The following LARGE1 variants were observed in gnomAD, a reference collection of about 807,000 sequenced individuals.
LARGE1 encodes xylosyl- and glucuronyltransferase LARGE1.
LARGE1 carries 43 observed loss-of-function variants against 87.6 expected under a neutral mutation model. That is an observed-to-expected ratio of 0.49 (90% CI 0.38 to 0.63). The LOEUF is 0.63. Ranked by LOEUF, LARGE1 falls within the 30% of genes least tolerant of loss-of-function variation. LARGE1 has a pLI of 0.00. For missense variants in LARGE1, 802 were observed against 1,000.2 expected (o/e 0.80, Z 2.67); for synonymous variants, 434 against 394.6 (o/e 1.10, Z -1.18).
intron 1 of LARGE1, among the ~76,000 whole-genome samples, chr22:33,793,535 A>T (rs980979524): frequency 1.3e-5 from 2 of 152,042 alleles, no homozygotes; most frequent in African/African-American, 4.8e-5. Context: ...TCCAATTCCC[A>T]CTCCCAAACC....
the LARGE1 span, among the ~76,000 whole-genome samples, chr22:33,087,500 A>C: frequency 1.3e-5 from 2 of 152,226 alleles, no homozygotes; most frequent in Non-Finnish European, 2.9e-5. Context: ...TGTACCCAAA[A>C]AGTGCATTAG....
At chr22:33,123,763 G>A in the LARGE1 span, among the ~76,000 whole-genome samples, 87 of 152,204 alleles carry the variant, frequency 5.7e-4, 1 homozygote, top group East Asian at 9.9e-3. Flanking sequence ...TTGGAAGCTC[G>A]GATTCACCAC....
At chr22:33,331,632 T>C (rs560471250) in intron 10 of LARGE1, among the ~76,000 whole-genome samples, 2 of 152,286 alleles carry the variant, frequency 1.3e-5, no homozygotes, top group African/African-American at 4.8e-5. Context: ...GGTCTTGAAC[T>C]CCTGACCTCA....
At chr22:33,262,986 G>A (rs1018981799) in intron 11 of LARGE1, among the ~76,000 whole-genome samples, 1 of 151,808 alleles carries the variant, frequency 6.6e-6, no homozygotes, top group Non-Finnish European at 1.5e-5. Context: ...TCCATCTTGG[G>A]GGTTCAAGTG....
downstream of LARGE1, among the ~76,000 whole-genome samples, chr22:33,269,015 TCAAAACACTGAACTAA>T (rs1360667584): frequency 1.3e-5 from 2 of 152,182 alleles, no homozygotes; most frequent in Non-Finnish European, 2.9e-5. Flanking sequence ...TATTTTTCAT[TCAAAACACTGAACTAA>T]CAAAACAACT....
intron 1 of LARGE1, among the ~76,000 whole-genome samples, chr22:33,879,279 A>C (rs2064589725): frequency 6.6e-6 from 1 of 152,128 alleles, no homozygotes; most frequent in African/African-American, 2.4e-5. Context: ...TTTCTTATAT[A>C]CAGCACATCA....
At chr22:33,366,330 A>G (rs1183065429) in intron 9 of LARGE1, among the ~76,000 whole-genome samples, 1 of 152,226 alleles carries the variant, frequency 6.6e-6, no homozygotes, top group Non-Finnish European at 1.5e-5. Context: ...CCCTGAGCAA[A>G]TGCTCAGCAA....
At chr22:33,499,435 C>A (rs909662034) in intron 6 of LARGE1, among the ~76,000 whole-genome samples, 1 of 152,106 alleles carries the variant, frequency 6.6e-6, no homozygotes, top group African/African-American at 2.4e-5. Flanking sequence ...TGAGATGGCA[C>A]GATCATGGTG....
chr22:33,628,089 C>A (rs1393386288), intron 3 of LARGE1, among the ~76,000 whole-genome samples: 1 of 152,080 alleles, frequency 6.6e-6, no homozygotes, highest in Non-Finnish European at 1.5e-5. Context: ...TGCTCTTATA[C>A]CTGCTCCCAA....
chr22:33,828,874 A>G (rs2062876242), intron 1 of LARGE1, among the ~76,000 whole-genome samples: 1 of 152,128 alleles, frequency 6.6e-6, no homozygotes, highest in African/African-American at 2.4e-5. Flanking sequence ...CTTGCTAATC[A>G]AGGTCCGTGT....
intron 6 of LARGE1, among the ~76,000 whole-genome samples, chr22:33,564,073 G>T (rs1244976731): frequency 6.6e-6 from 1 of 152,124 alleles, no homozygotes; most frequent in African/African-American, 2.4e-5. Context: ...CACAGAAGGG[G>T]CTAGCGTGCA....
intron 11 of LARGE1, among the ~76,000 whole-genome samples, chr22:33,183,823 A>G (rs1297235105): frequency 1.3e-5 from 2 of 152,074 alleles, no homozygotes; most frequent in East Asian, 1.9e-4. Flanking sequence ...AGAAGCAGAG[A>G]GTAGAACGGT....
At chr22:33,385,313 G>A (rs2065284987) in intron 7 of LARGE1, among the ~76,000 whole-genome samples, 1 of 147,338 alleles carries the variant, frequency 6.8e-6, no homozygotes, top group Non-Finnish European at 1.5e-5. Flanking sequence ...GGAGGTGGGT[G>A]GATCACCTGA....
chr22:33,557,322 A>G (rs1192867208), intron 6 of LARGE1, among the ~76,000 whole-genome samples: 2 of 152,188 alleles, frequency 1.3e-5, no homozygotes, highest in East Asian at 3.9e-4. Flanking sequence ...GGCTGGACCA[A>G]TGGAAGAACC....
chr22:33,849,591 TC>T (rs577046834), intron 1 of LARGE1, among the ~76,000 whole-genome samples: 2 of 116,912 alleles, frequency 1.7e-5, no homozygotes, highest in Non-Finnish European at 3.4e-5. Flanking sequence ...TCTTTTCTTC[TC>T]TTTTTTTTTT....
intron 10 of LARGE1, among the ~76,000 whole-genome samples, chr22:33,332,734 G>A (rs2146505458): frequency 6.6e-6 from 1 of 152,310 alleles, no homozygotes; most frequent in Admixed American, 6.5e-5. Context: ...CGGAAGACCA[G>A]GTGGTAAACT....
At chr22:33,574,502 T>C (rs927693040) in intron 5 of LARGE1, among the ~76,000 whole-genome samples, 2 of 151,956 alleles carry the variant, frequency 1.3e-5, no homozygotes, top group Non-Finnish European at 2.9e-5. Context: ...GAGATACGTA[T>C]AGCAGTGGTC....
chr22:33,907,569 C>CATT (rs1555891402), intron 1 of LARGE1, among the ~76,000 whole-genome samples: 5 of 146,148 alleles, frequency 3.4e-5, no homozygotes, highest in Non-Finnish European at 1.5e-5. Flanking sequence ...GAAGACATTT[C>CATT]TTTTTTTTTT....
At chr22:33,224,676 C>T (rs958113610) in intron 11 of LARGE1, among the ~76,000 whole-genome samples, 1 of 152,108 alleles carries the variant, frequency 6.6e-6, no homozygotes, top group African/African-American at 2.4e-5. Flanking sequence ...AACAAGCTCC[C>T]TGGTGCCAGC....
Sources: allele counts gnomAD v4.1 joint callset (sites outside exome capture counted in the v4.1 genomes callset), GRCh38; gene constraint gnomAD v4.1.1; transcripts MANE v1.5; gene names NCBI Gene and HGNC (gene_info 2026-07-23, HGNC 2026-07-21).